The following JAK2 variants were observed in gnomAD, a reference collection of about 807,000 sequenced individuals.
JAK2 encodes tyrosine-protein kinase JAK2.
JAK2 carries 86 observed loss-of-function variants against 139.3 expected under a neutral mutation model. That is an observed-to-expected ratio of 0.62 (90% confidence interval 0.52 to 0.74). The LOEUF (loss-of-function observed/expected upper bound fraction) is 0.74, where lower values mean the gene tolerates loss of function less well. Ranked by LOEUF, JAK2 falls within the 30% of genes least tolerant of loss-of-function variation. The probability of loss-of-function intolerance (pLI) is 0.00; values close to 1 mark genes in which losing one functional copy is unlikely to be tolerated. For missense variants in JAK2, 1,421 were observed against 1,360.3 expected, an observed-to-expected ratio of 1.04 and a Z score of -0.70; for synonymous variants, 490 against 437.7, an observed-to-expected ratio of 1.12 and a Z score of -1.49.
chr9:5,122,376 G>C (rs1252937648), intron 22 of JAK2, among the ~76,000 whole-genome samples: 1 of 151,974 alleles, frequency 6.6e-6, no homozygotes, highest in African/African-American at 2.4e-5. Flanking sequence ...TGGTTAACAG[G>C]TTCTTTCTTT....
chr9:5,039,565 A>G (rs1816330747), intron 4 of JAK2, among the ~76,000 whole-genome samples: 1 of 152,172 alleles, frequency 6.6e-6, no homozygotes, highest in African/African-American at 2.4e-5. Flanking sequence ...TTCACAGATT[A>G]CATGATCTTG....
At chr9:4,988,373 G>A (rs955373907) in intron 2 of JAK2, among the ~76,000 whole-genome samples, 1 of 152,378 alleles carries the variant, frequency 6.6e-6, no homozygotes, top group East Asian at 1.9e-4. Context: ...GAAAATGAAT[G>A]TAGAACAGGA....
At chr9:5,053,006 A>G (rs951949912) in intron 6 of JAK2, among the ~76,000 whole-genome samples, 1 of 151,966 alleles carries the variant, frequency 6.6e-6, no homozygotes, top group East Asian at 1.9e-4. Context: ...TTTCTTGTGC[A>G]TATATTTAGG....
In JAK2 at chr9:5,089,792, G is replaced by A. The variant is rs1023699005; in HGVS notation, c.2690G>A (p.Arg897Lys). The change falls in exon 20 of 25, where the codon AGG (arginine) becomes AAG (lysine). Residue 897 changes from arginine to lysine, a missense_variant. By Grantham distance (26) the Arg-to-Lys change is conservative. Transcript: ENST00000381652. ...GAAGAGCACCTAAGAGACTTTGAAA[G>A]GGAAATTGAAATCCTGAAATCCCTA... ...STEEHLRDFE[R>K]EIEILKSLQH... 1.3e-6 allele frequency: 2 copies of A among 1,598,852 alleles called. No homozygotes were observed. Among genetic ancestry groups the A allele is most frequent in the African/African-American group, 1.4e-5 (1 of 73,554 alleles).
At chr9:5,007,874 C>A (rs1460182988) in intron 2 of JAK2, among the ~76,000 whole-genome samples, 1 of 151,866 alleles carries the variant, frequency 6.6e-6, no homozygotes, top group Non-Finnish European at 1.5e-5. Context: ...ATTACAGGCA[C>A]GTGCCACCAC....
intron 23 of JAK2, among the ~76,000 whole-genome samples, chr9:5,123,888 CTT>C (rs543606211): frequency 4.2e-5 from 6 of 142,150 alleles, no homozygotes; most frequent in African/African-American, 2.6e-5. Context: ...AATTTTTTCT[CTT>C]TTTTTTTTTT....
At chr9:5,017,637 T>C (rs1822154438) in intron 2 of JAK2, among the ~76,000 whole-genome samples, 1 of 152,242 alleles carries the variant, frequency 6.6e-6, no homozygotes, top group Non-Finnish European at 1.5e-5. Context: ...TTCCCTCTTA[T>C]AACTGCTTTT....
chr9:5,121,651 A>T (rs1472504605), intron 22 of JAK2, among the ~76,000 whole-genome samples: 1 of 152,178 alleles, frequency 6.6e-6, no homozygotes, highest in East Asian at 1.9e-4. Flanking sequence ...TTGAAGCAAG[A>T]GATTTTTAAA....
chr9:5,068,165 AAAC>A, intron 10 of JAK2, among the ~76,000 whole-genome samples: 1 of 101,452 alleles, frequency 9.9e-6, no homozygotes, highest in East Asian at 2.5e-4. Flanking sequence ...TCTCAAAAAA[AAAC>A]AACAACAAAA....
At chr9:5,085,365 G>A in intron 19 of JAK2, 2 of 904,878 alleles carry the variant, frequency 2.2e-6, no homozygotes, top group East Asian at 2.6e-5. Flanking sequence ...ACTGATAGGT[G>A]ATCTCATGCA....
chr9:5,035,658 A>C (rs1823530226), intron 4 of JAK2, among the ~76,000 whole-genome samples: 2 of 152,242 alleles, frequency 1.3e-5, no homozygotes, highest in African/African-American at 2.4e-5. Flanking sequence ...GAGGCAGAAA[A>C]GGTCTTTGGC....
At chr9:5,051,353 C>A (rs991470101) in intron 6 of JAK2, among the ~76,000 whole-genome samples, 1 of 152,052 alleles carries the variant, frequency 6.6e-6, no homozygotes, top group Non-Finnish European at 1.5e-5. Flanking sequence ...ATAGAAGATC[C>A]TCCAGTTGGC....
rs1473950620 is a variant in JAK2 at position 4,985,319 on chromosome 9, CA to C, written c.-419del. ...CGCTAACGGCCTCCCTCGGCGCTGA[CA>C]GGCTGGGCCGGCGCCCGGCTCGCTT... On this transcript the variant is annotated 5_prime_UTR_variant, in exon 1 of 25. Coordinates refer to ENST00000381652, the MANE Select transcript of JAK2 (RefSeq NM_004972.4). 24 of 152,618 alleles carry C rather than the reference CA, an allele frequency of 1.6e-4. No homozygotes were observed. The highest frequency in any genetic ancestry group is 5.3e-4 in the African/African-American group (22 of 41,594). The allele number at this position is 152,618 out of a possible 1,614,324, so 9.5% of individuals were successfully genotyped here.
intron 2 of JAK2, among the ~76,000 whole-genome samples, chr9:4,991,735 A>G (rs938465744): frequency 8.1e-6 from 1 of 123,000 alleles, no homozygotes; most frequent in African/African-American, 3.2e-5. Flanking sequence ...CCTGTACACC[A>G]GGCAACCACC....
rs548167020 is a variant in JAK2 at position 5,025,494 on chromosome 9, C to CT, written c.226+3284dup. ...TTCTTCTGTCTCTTTCTTGCTCCTTCTTTCTTTTCTTCTTCTTTTGTTTAA... is the reference window on the plus strand; with the variant it reads ...TTCTTCTGTCTCTTTCTTGCTCCTTCTTTTCTTTTCTTCTTCTTTTGTTTAA... On this transcript the variant is annotated intron_variant, in intron 3 of 24. Transcript: ENST00000381652. 3.7e-3 allele frequency among the ~76,000 whole-genome samples: 545 copies of CT among 148,996 alleles called. 3 individuals are homozygous for CT. The highest frequency in any genetic ancestry group is 5.9e-3 in the Non-Finnish European group (396 of 67,372).
At position 5,072,515 on chromosome 9, in the gene JAK2, T is replaced by C. The variant is rs763125893; in HGVS notation, c.1665T>C (p.Thr555=). ...LIFNESLGQG[T]FTKIFKGVRR... Reference sequence around the variant, plus strand: ...AGAATGAAAGCCTTGGCCAAGGCACTTTTACAAAGATTTTTAAAGGCGTAC... The same window carrying C: ...AGAATGAAAGCCTTGGCCAAGGCACCTTTACAAAGATTTTTAAAGGCGTAC... The change falls in exon 13 of 25, where the codon ACT becomes ACC. Residue 555 remains threonine (T), a synonymous_variant. Transcript: ENST00000381652. 1.3e-5 allele frequency: 20 copies of C among 1,596,334 alleles called. No individual in the cohort carries two copies. The South Asian group carries it at 1.5e-4, about 12-fold the overall frequency.
At chr9:5,027,803 A>G (rs1822875963) in intron 3 of JAK2, among the ~76,000 whole-genome samples, 1 of 152,202 alleles carries the variant, frequency 6.6e-6, no homozygotes, top group South Asian at 2.1e-4. Flanking sequence ...ATCCATAAAA[A>G]GCAATTCCTT....
intron 22 of JAK2, chr9:5,111,616 T>C (rs1447539165): frequency 2.7e-6 from 1 of 372,886 alleles, no homozygotes; most frequent in Admixed American, 3.7e-5. Flanking sequence ...AGGTGGGCTT[T>C]GGCCCCATGC....
At chr9:5,028,875 C>G (rs1449767870) in intron 3 of JAK2, among the ~76,000 whole-genome samples, 1 of 152,226 alleles carries the variant, frequency 6.6e-6, no homozygotes. Flanking sequence ...AATATTGTGG[C>G]TGGTTTGATC....
Sources: gnomAD v4.1 joint callset for allele counts (sites outside exome capture counted in the v4.1 genomes callset) on GRCh38, gnomAD v4.1.1 for gene constraint, MANE v1.5 for transcripts, NCBI Gene and HGNC (gene_info 2026-07-23, HGNC 2026-07-21) for gene names.